Variants in GOLGA6L22 observed in about 807,000 individuals in gnomAD.
GOLGA6L22 encodes golgin subfamily A member 6-like protein 22.
In GOLGA6L22, 28 loss-of-function variants were observed where a neutral mutation model predicts 77.1. The ratio of observed to expected loss-of-function variants is 0.36; its 90% CI spans 0.27 to 0.50. GOLGA6L22 has a LOEUF of 0.50. GOLGA6L22 is among the 20% of genes least tolerant of loss of function. GOLGA6L22 has a pLI of 0.97. For synonymous variants in GOLGA6L22, 62 were observed against 185.3 expected, an observed-to-expected ratio of 0.33 and a Z score of 5.41; for missense variants, 250 against 620.4, an observed-to-expected ratio of 0.40 and a Z score of 6.34.
chr15:22,465,913 G>T (rs1342314948), exon 8 of GOLGA6L22: 2 of 1,128,726 alleles, frequency 1.8e-6, no homozygotes, highest in African/African-American at 3.1e-5. Flanking sequence ...AGCAGGAGAA[G>T]ATATGGGAGG....
At chr15:22,463,438 G>A (rs1461972881) in intron 5 of GOLGA6L22, among the ~76,000 whole-genome samples, 18 of 137,278 alleles carry the variant, frequency 1.3e-4, no homozygotes, top group African/African-American at 2.6e-4. Context: ...GATCACCTGC[G>A]GTCAGGAGTT....
At chr15:22,468,937 A>G (rs963543675) in exon 9 of GOLGA6L22, 1 of 120,900 alleles carries the variant, frequency 8.3e-6, no homozygotes, top group African/African-American at 3.7e-5. Context: ...CTCATTTAAC[A>G]TTACTATGGA....
At chr15:22,469,056 T>A (rs1887782823) in exon 9 of GOLGA6L22, 1 of 131,078 alleles carries the variant, frequency 7.6e-6, no homozygotes, top group Admixed American at 7.4e-5. Flanking sequence ...CTGAGGACAT[T>A]GGTACTGGAT....
Position 22,462,015 on chromosome 15 carries a change from T to C in GOLGA6L22, c.181-19T>C. 2 of 1,464,826 alleles carry C rather than the reference T, an allele frequency of 1.4e-6. No individual in the cohort carries two copies. The highest frequency in any genetic ancestry group is 1.8e-6 in the Non-Finnish European group (2 of 1,100,998). 90.7% of individuals were successfully genotyped at this position (1,464,826 alleles called of 1,614,324 possible). On this transcript the variant is annotated intron_variant, in intron 2 of 8. Coordinates refer to ENST00000622895, the Ensembl canonical transcript of GOLGA6L22. ...CTCTGCCTACCCCTAGTAAGAGCTCTGTTTTCCTCTTTCTATAGGAACAGA... is the reference window on the plus strand; with the variant it reads ...CTCTGCCTACCCCTAGTAAGAGCTCCGTTTTCCTCTTTCTATAGGAACAGA...
At chr15:22,465,776 A>G (rs61345278) in exon 8 of GOLGA6L22, 6 of 1,399,544 alleles carry the variant, frequency 4.3e-6, no homozygotes, top group Non-Finnish European at 2.8e-6. Context: ...GGAGGAGAAG[A>G]TACGGGAGCA....
chr15:22,466,196 G>A, exon 8 of GOLGA6L22: 2 of 675,448 alleles, frequency 3.0e-6, no homozygotes, highest in East Asian at 5.8e-5. Context: ...GGGGGAGCAG[G>A]AAGAGAAGAT....
chr15:22,461,164 T>TA (rs1887523607), intron 2 of GOLGA6L22, among the ~76,000 whole-genome samples: 1 of 125,490 alleles, frequency 8.0e-6, no homozygotes, highest in Non-Finnish European at 1.6e-5. Context: ...TTGTTTTCCT[T>TA]ACGTTTGTGA....
At position 22,466,413 on chromosome 15, in the gene GOLGA6L22, T is replaced by C. The variant is rs868819511; in HGVS notation, c.2021T>C (p.Met674Thr). ...AAGATTTGGGAGCAGGAAGAGAAGATGCAAGAACAGGAGGAGAAGATGCGG... is the reference window on the plus strand; with the variant it reads ...AAGATTTGGGAGCAGGAAGAGAAGACGCAAGAACAGGAGGAGAAGATGCGG... Residue 674 changes from methionine to threonine, a missense_variant, in exon 8 of 9, where the codon ATG (methionine) becomes ACG (threonine). Transcript: ENST00000622895. 5.1e-6 allele frequency: 7 copies of C among 1,374,926 alleles called. 1 individual carries two copies. In the African/African-American group the frequency reaches 1.1e-4, roughly 22 times the overall value. 85.2% of individuals were successfully genotyped at this position (1,374,926 alleles called of 1,614,324 possible).
intron 5 of GOLGA6L22, among the ~76,000 whole-genome samples, 184 bp from the exon 6 acceptor site, chr15:22,463,657 A>AAAAG (rs1239311844): frequency 1.1e-4 from 14 of 130,234 alleles, no homozygotes; most frequent in South Asian, 5.3e-4. Context: ...GCCAAAAAAA[A>AAAAG]AAAGAAAGAA....
At chr15:22,469,101 T>A (rs1415336477) in exon 9 of GOLGA6L22, 1 of 121,302 alleles carries the variant, frequency 8.2e-6, no homozygotes, top group Non-Finnish European at 1.6e-5. Flanking sequence ...TTGACCAGGC[T>A]TACCCAGCAC....
chr15:22,466,233 A>T, exon 8 of GOLGA6L22: 1 of 811,812 alleles, frequency 1.2e-6, no homozygotes, highest in Non-Finnish European at 1.9e-6. Context: ...ATGCGGAGGC[A>T]GGAGGAGAAG....
At chr15:22,466,375 G>T in exon 8 of GOLGA6L22, 1 of 1,409,702 alleles carries the variant, frequency 7.1e-7, no homozygotes, top group Non-Finnish European at 9.5e-7. Context: ...AGAAGATGGG[G>T]GAGCAGGAGG....
chr15:22,464,693 G>A (rs1377465283), intron 7 of GOLGA6L22, among the ~76,000 whole-genome samples: 1 of 127,100 alleles, frequency 7.9e-6, no homozygotes, highest in African/African-American at 3.5e-5. Flanking sequence ...CTGTCACCCA[G>A]GCCAGAGTGC....
exon 8 of GOLGA6L22, chr15:22,465,907 G>C: frequency 8.4e-7 from 1 of 1,185,434 alleles, no homozygotes; most frequent in Non-Finnish European, 1.1e-6. Flanking sequence ...TGCATGAGCA[G>C]GAGAAGATAT....
chr15:22,466,017 T>C lies in GOLGA6L22; in HGVS notation c.1625T>C (p.Ile542Thr), dbSNP rs1387275807. Residue 542 changes from isoleucine to threonine, a missense_variant, in exon 8 of 9, where the codon ATA (isoleucine) becomes ACA (threonine). Physicochemically the swap from Ile to Thr is moderately conservative, Grantham distance 89. Coordinates refer to ENST00000622895, the Ensembl canonical transcript of GOLGA6L22. ...AAGGTGTGGAGGCAGGAGGAGAAGA[T>C]ACGGGAGCAGGAGGAAAAGAGGCAG... The C allele has an allele frequency of 4.9e-6, 4 of 811,512 alleles. 1 individual carries two copies. The highest frequency in any genetic ancestry group is 6.3e-5 in the African/African-American group (2 of 31,750). 50.3% of individuals were successfully genotyped at this position (811,512 alleles called of 1,614,324 possible).
At chr15:22,459,076 C>T, upstream of GOLGA6L22, 1 of 100,540 alleles carries the variant, frequency 9.9e-6, no homozygotes, top group Non-Finnish European at 1.6e-5. Flanking sequence ...CCCCACCTCC[C>T]TACCCATCCC....
exon 9 of GOLGA6L22, chr15:22,468,951 C>G (rs1887779754): frequency 7.9e-6 from 1 of 126,100 alleles, no homozygotes; most frequent in Admixed American, 8.0e-5. Flanking sequence ...CTATGGAACC[C>G]ACCTCCTTTG....
chr15:22,458,925 G>A, upstream of GOLGA6L22: 1 of 16,672 alleles, frequency 6.0e-5, no homozygotes, highest in Non-Finnish European at 1.0e-4. Context: ...CCCTGGTTAC[G>A]CCTCCTCTGG....
chr15:22,463,027 C>T (rs911843538), intron 5 of GOLGA6L22, among the ~76,000 whole-genome samples: 3 of 135,670 alleles, frequency 2.2e-5, no homozygotes, highest in African/African-American at 6.1e-5. Context: ...TGTGCCCCTA[C>T]CTCCAGCGAA....
Sources: gnomAD v4.1 joint callset for allele counts (sites outside exome capture counted in the v4.1 genomes callset) on GRCh38, gnomAD v4.1.1 for gene constraint, MANE v1.5 for transcripts, NCBI Gene and HGNC (gene_info 2026-07-23, HGNC 2026-07-21) for gene names.